PDE1C: variants seen among roughly 807,000 people sequenced by gnomAD.
PDE1C encodes the protein phosphodiesterase 1C, also known as dual specificity calcium/calmodulin-dependent 3',5'-cyclic nucleotide phosphodiesterase 1C.
A neutral mutation model predicts 93.1 loss-of-function variants in PDE1C; 62 were observed. The observed-to-expected ratio is 0.67, with a 90% CI of 0.54 to 0.82. The LOEUF is 0.82. PDE1C is among the 40% of genes least tolerant of loss of function. The pLI is 0.00. For missense variants in PDE1C, 742 were observed against 884.6 expected (o/e 0.84, Z 2.04); for synonymous variants, 325 against 310.1 (o/e 1.05, Z -0.50).
intron 2 of PDE1C, among the ~76,000 whole-genome samples, chr7:31,967,074 T>C (rs2129042829): frequency 6.6e-6 from 1 of 152,060 alleles, no homozygotes; most frequent in East Asian, 1.9e-4. Context: ...GCAAACATAT[T>C]CAAAAGCTAG....
At position 31,872,650 on chromosome 7, in the gene PDE1C, G is replaced by A. The variant is rs138572052; in HGVS notation, c.609+642C>T. Among the ~76,000 whole-genome samples, 481 of 152,222 alleles carry A rather than the reference G, an allele frequency of 3.2e-3. 2 individuals carry two copies. The highest frequency in any genetic ancestry group is 0.011 in the African/African-American group (445 of 41,552). The stretch of plus-strand genomic sequence containing the variant: ...CCAGAGGCTCATCCCTTTGATGAGG[G>A]AAGTCAGAGGAGCTTGATACCATAG... On this transcript the variant is annotated intron_variant, in intron 6 of 17. Coordinates refer to ENST00000396191, the MANE Select transcript of PDE1C (RefSeq NM_001191057.4).
chr7:31,967,051 T>G (rs926051389), intron 2 of PDE1C, among the ~76,000 whole-genome samples: 1 of 151,908 alleles, frequency 6.6e-6, no homozygotes, highest in Admixed American at 6.6e-5. Flanking sequence ...TTAAAAGAAC[T>G]AGAGAAGCAA....
Position 32,085,116 on chromosome 7 carries a change from A to G in PDE1C, c.308+84669T>C, listed in dbSNP as rs1446984074. Among the ~76,000 whole-genome samples the G allele has an allele frequency of 3.3e-5, 5 of 150,908 alleles. No homozygotes were observed. The South Asian group carries it at 6.3e-4, about 19-fold the overall frequency. Reference sequence around the variant, plus strand: ...TTGATAGACCGCTAGCAAGACTAATAAAGAAAAAAAGAGAGAAGAATCAAA... The same window carrying G: ...TTGATAGACCGCTAGCAAGACTAATGAAGAAAAAAAGAGAGAAGAATCAAA... On this transcript the variant is annotated intron_variant, in intron 3 of 18. Coordinates refer to the PDE1C transcript ENST00000396193.
intron 1 of PDE1C, among the ~76,000 whole-genome samples, chr7:32,385,283 T>A (rs971022781): frequency 1.3e-5 from 2 of 152,190 alleles, no homozygotes; most frequent in African/African-American, 4.8e-5. Flanking sequence ...TAGATCTGAG[T>A]TTCAGAAGAG....
chr7:32,232,939 T>C (rs1485656240), intron 1 of PDE1C, among the ~76,000 whole-genome samples: 2 of 152,252 alleles, frequency 1.3e-5, no homozygotes, highest in East Asian at 3.9e-4. Context: ...CTACATAAGA[T>C]TTAAACAAGA....
chr7:32,303,299 G>C (rs1400918853), upstream of PDE1C, among the ~76,000 whole-genome samples: 1 of 152,100 alleles, frequency 6.6e-6, no homozygotes, highest in African/African-American at 2.4e-5. Context: ...CTTCAAGAAG[G>C]GAAGCAGAGG....
At chr7:32,135,355 G>T (rs1349812051) in intron 3 of PDE1C, among the ~76,000 whole-genome samples, 1 of 152,014 alleles carries the variant, frequency 6.6e-6, no homozygotes, top group African/African-American at 2.4e-5. Flanking sequence ...AGAGAAAATA[G>T]TTGCGAACCA....
At chr7:32,244,362 A>T (rs1156341108) in intron 1 of PDE1C, among the ~76,000 whole-genome samples, 1 of 152,220 alleles carries the variant, frequency 6.6e-6, no homozygotes, top group Non-Finnish European at 1.5e-5. Flanking sequence ...CCATGCAGCC[A>T]AAATCACACA....
At chr7:32,102,079 C>T (rs534707802) in intron 3 of PDE1C, among the ~76,000 whole-genome samples, 2 of 152,156 alleles carry the variant, frequency 1.3e-5, no homozygotes, top group Non-Finnish European at 2.9e-5. Flanking sequence ...CCCCCATGAC[C>T]CAAATATTTC....
At chr7:31,893,513 C>G (rs1028531232) in intron 2 of PDE1C, 1 of 984,310 alleles carries the variant, frequency 1.0e-6, no homozygotes, top group Non-Finnish European at 1.2e-6. Flanking sequence ...CACCACCTCC[C>G]TTTCTTTGTA....
chr7:32,057,146 G>A (rs30588), intron 1 of PDE1C, among the ~76,000 whole-genome samples: 130,021 of 152,184 alleles, frequency 0.85, 55,667 homozygotes, highest in Middle Eastern at 0.91. Flanking sequence ...ATCTTTCAAA[G>A]AAAGTCCTTT....
At chr7:31,620,275 C>T in the PDE1C span, among the ~76,000 whole-genome samples, 1 of 152,012 alleles carries the variant, frequency 6.6e-6, no homozygotes, top group African/African-American at 2.4e-5. Flanking sequence ...CAGCATGCAG[C>T]TGGAGATCTG....
At chr7:31,662,662 A>G in the PDE1C span, among the ~76,000 whole-genome samples, 4 of 152,186 alleles carry the variant, frequency 2.6e-5, no homozygotes, top group Admixed American at 6.5e-5. Context: ...TGTCCTGTAA[A>G]TGTGTAAATA....
chr7:31,815,909 T>C lies in PDE1C; in HGVS notation c.1813+15A>G, dbSNP rs1554346299. On this transcript the variant is annotated intron_variant, in intron 15 of 17. Transcript: ENST00000396191. ...TGCCGCGAAAAGAGCCCTTCACCAG[T>C]GTAAGTCTACTCACCATTCTGTTGC... 1 of 1,558,730 alleles carries C rather than the reference T, an allele frequency of 6.4e-7. No homozygotes were observed. The highest frequency in any genetic ancestry group is 8.9e-7 in the Non-Finnish European group (1 of 1,129,578).
At chr7:32,046,736 C>A (rs1459509407) in intron 2 of PDE1C, among the ~76,000 whole-genome samples, 1 of 152,054 alleles carries the variant, frequency 6.6e-6, no homozygotes, top group East Asian at 1.9e-4. Flanking sequence ...AGAAATATGT[C>A]TAGATTTAGA....
chr7:32,411,628 T>C (rs1785171610), intron 1 of PDE1C, among the ~76,000 whole-genome samples: 1 of 152,218 alleles, frequency 6.6e-6, no homozygotes, highest in Non-Finnish European at 1.5e-5. Context: ...GGGACATTAC[T>C]GTATACTACT....
At position 31,751,616 on chromosome 7, in the gene PDE1C, A is replaced by G. The variant is rs1002838778; in HGVS notation, c.*1768T>C. The G allele has an allele frequency of 6.6e-6, 1 of 152,246 alleles. No homozygotes were observed. The highest frequency in any genetic ancestry group is 2.4e-5 in the African/African-American group (1 of 41,464). The allele number at this position is 152,246 out of a possible 1,614,324, so 9.4% of individuals were successfully genotyped here. A position where few individuals can be genotyped will look rare whatever the true frequency, so the allele number is the denominator to read the frequency against. ...TAATCCAGGTGGAACAGACACTACC[A>G]GCCTGCAGAAGGGCCTTCTAACCCA... On this transcript the variant is annotated 3_prime_UTR_variant, in exon 18 of 18. Transcript: ENST00000396191.
In PDE1C at chr7:31,823,249, C is replaced by A; in HGVS notation, c.1407-1G>T. ...ATCTGACGAGCTGATGCTATTCAAACTGGAAAACAAAAAAATCATACCAAA... is the reference window on the plus strand; with the variant it reads ...ATCTGACGAGCTGATGCTATTCAAAATGGAAAACAAAAAAATCATACCAAA... On this transcript the variant is annotated splice_acceptor_variant, in intron 13 of 17. Transcript: ENST00000396191. LOFTEE classifies it high-confidence loss of function. The A allele has an allele frequency of 6.3e-7, 1 of 1,599,272 alleles. No individual in the cohort carries two copies. The highest frequency in any genetic ancestry group is 1.8e-5 in the Admixed American group (1 of 56,194).
At chr7:31,870,524 A>G (rs1236360950) in intron 6 of PDE1C, among the ~76,000 whole-genome samples, 1 of 152,084 alleles carries the variant, frequency 6.6e-6, no homozygotes, top group Non-Finnish European at 1.5e-5. Context: ...AAGTTCCTGG[A>G]CACATACAAC....
Sources: allele counts gnomAD v4.1 joint callset (sites outside exome capture counted in the v4.1 genomes callset), GRCh38; gene constraint gnomAD v4.1.1; transcripts MANE v1.5; gene names NCBI Gene and HGNC (gene_info 2026-07-23, HGNC 2026-07-21).